Variants in TRIM66 observed in about 807,000 individuals in gnomAD.
TRIM66 encodes tripartite motif-containing protein 66.
In TRIM66, 99 loss-of-function variants were observed where a neutral mutation model predicts 148.2. That is an observed-to-expected ratio of 0.67 (90% confidence interval 0.57 to 0.79). TRIM66 has a LOEUF of 0.79. Among genes scored for constraint, TRIM66 ranks in the 30% least tolerant of loss-of-function variants. TRIM66 has a pLI of 0.00. For missense variants in TRIM66, 1,666 were observed against 1,697.9 expected, an observed-to-expected ratio of 0.98 and a Z score of 0.33; for synonymous variants, 616 against 635.9, an observed-to-expected ratio of 0.97 and a Z score of 0.47.
At chr11:8,682,712 G>A, upstream of TRIM66, 1 of 1,449,028 alleles carries the variant, frequency 6.9e-7, no homozygotes, top group South Asian at 1.1e-5. Flanking sequence ...CCCGCCCGAA[G>A]CCCGGCCTCT....
rs1037073048 is a variant in TRIM66, at chr11:8,624,253, G to C, written c.3019+106C>G. 3.9e-6 allele frequency: 5 copies of C among 1,286,146 alleles called. No individual in the cohort carries two copies. In the South Asian group the frequency reaches 4.3e-5, roughly 11 times the overall value. The allele number at this position is 1,286,146 out of a possible 1,614,324, so 79.7% of individuals were successfully genotyped here. A position where few individuals can be genotyped will look rare whatever the true frequency, so the allele number is the denominator to read the frequency against. On this transcript the variant is annotated intron_variant, in intron 17 of 24. Transcript: ENST00000646038. ...AAATTCAGCCTCAGAGAGATGCACT[G>C]CTTCCCCAGCTTAGAGCTTGTCTGC...
At position 8,649,833 on chromosome 11, in the gene TRIM66, T is replaced by G; in HGVS notation, c.499A>C (p.Asn167His). The change falls in exon 8 of 25, where the codon AAT becomes CAT. Residue 167 changes from asparagine to histidine, a missense_variant. Coordinates refer to ENST00000646038, the MANE Select transcript of TRIM66 (RefSeq NM_001388022.1). ...GTGCAAGAGCTGCACAGCCAGCGAT[T>G]GCAGTAGGTGCAGAGGATATGTGCT... ...RAAHILCTYC[N>H]RWLCSSCTEE... 1 of 1,551,664 alleles carries G rather than the reference T, an allele frequency of 6.4e-7. No homozygotes were observed. Among genetic ancestry groups the G allele is most frequent in the Non-Finnish European group, 8.7e-7 (1 of 1,146,988 alleles).
intron 15 of TRIM66, among the ~76,000 whole-genome samples, chr11:8,625,510 AAGG>A (rs1220035014): frequency 8.0e-6 from 1 of 125,608 alleles, no homozygotes; most frequent in Non-Finnish European, 1.8e-5. Flanking sequence ...CAAGAGTGAG[AAGG>A]AGAACTTATT....
Position 8,646,536 on chromosome 11 carries a change from T to C in TRIM66, c.868A>G (p.Arg290Gly), listed in dbSNP as rs1219312320. The change falls in exon 11 of 25, where the codon AGG becomes GGG. Residue 290 changes from arginine to glycine, a missense_variant. Physicochemically the swap from Arg to Gly is moderately radical, Grantham distance 125 (BLOSUM62 -2). This residue lies in a region of TRIM66 where 1,431 missense variants were observed against 1,412.4 expected (regional missense o/e 1.01). Transcript: ENST00000646038. ...ATTTTGATCTGGTTTTCCACCTTCC[T>C]ATGCTGATGCTTCACTTCAAAAATC... Reference protein sequence around the residue: ...DRIFEVKHQHRKVENQIKMAK... With the variant: ...DRIFEVKHQHGKVENQIKMAK... The C allele has an allele frequency of 6.4e-7, 1 of 1,551,818 alleles. No homozygotes were observed. Among genetic ancestry groups the C allele is most frequent in the Non-Finnish European group, 8.7e-7 (1 of 1,147,036 alleles).
Position 8,672,052 on chromosome 11 carries a change from A to C in TRIM66, c.74T>G (p.Ile25Ser), listed in dbSNP as rs2038963769. ...RSTRCFSPED[I>S]SGKAPVLGTG... ...GCCCAGGACTGGGGCTTTTCCACTGATATCCTCAGGTGAGAAGCAGCGTGT... is the reference window on the plus strand; with the variant it reads ...GCCCAGGACTGGGGCTTTTCCACTGCTATCCTCAGGTGAGAAGCAGCGTGT... The change falls in exon 6 of 25, where the codon ATC becomes AGC. Residue 25 changes from isoleucine to serine, a missense_variant. Around this residue, in one of 3 missense-constraint regions of TRIM66, gnomAD observed 1,431 missense variants for 1,412.4 expected, o/e 1.01. Coordinates refer to ENST00000646038, the MANE Select transcript of TRIM66 (RefSeq NM_001388022.1). 2 of 1,535,738 alleles carry C rather than the reference A, an allele frequency of 1.3e-6. No individual in the cohort carries two copies. Among genetic ancestry groups the C allele is most frequent in the Non-Finnish European group, 1.7e-6 (2 of 1,146,866 alleles).
Position 8,619,463 on chromosome 11 carries a change from C to T in TRIM66, c.3820G>A (p.Asp1274Asn). 1 of 1,551,336 alleles carries T rather than the reference C, an allele frequency of 6.4e-7. No homozygotes were observed. Among genetic ancestry groups the T allele is most frequent in the Non-Finnish European group, 8.7e-7 (1 of 1,146,798 alleles). Residue 1274 changes from aspartate to asparagine, a missense_variant, in exon 23 of 25, where the codon GAC (aspartate) becomes AAC (asparagine). Coordinates refer to ENST00000646038, the MANE Select transcript of TRIM66 (RefSeq NM_001388022.1). ...SIIRRKLQKK[D>N]PAHYTTPEEV... is the part of the protein sequence containing the mutation. ...TCTGGGGTGGTATAGTGAGCTGGGT[C>T]CTTCTTTTGCAGCTTCCTCCGGATG... is the stretch of plus-strand genomic sequence containing the variant.
upstream of TRIM66, chr11:8,682,877 C>T (rs993695407): frequency 2.4e-5 from 38 of 1,562,110 alleles, 1 homozygote; most frequent in Non-Finnish European, 3.0e-5. Flanking sequence ...GCTGTATTCC[C>T]ATTGCCCCTA....
chr11:8,643,085 G>A lies in TRIM66; in HGVS notation c.1146C>T (p.Asn382=). The change falls in exon 13 of 25, where the codon AAC becomes AAT. Residue 382 remains asparagine, a synonymous_variant. Transcript: ENST00000646038. ...TACTCCAAGGGGAGCCAGGATCTGT[G>A]TTACAACTTGTCTCCAGCAATCGCT... is the stretch of plus-strand genomic sequence containing the variant. ...QMQRLLETSC[N]TDPGSPWSIR... 4 of 1,551,270 alleles carry A rather than the reference G, an allele frequency of 2.6e-6. No individual in the cohort carries two copies. Among genetic ancestry groups the A allele is most frequent in the Non-Finnish European group, 3.5e-6 (4 of 1,146,820 alleles).
At chr11:8,624,254 C>G in intron 17 of TRIM66, 105 bp downstream of exon 17, 2 of 1,295,188 alleles carry the variant, frequency 1.5e-6, no homozygotes, top group Non-Finnish European at 2.1e-6. Flanking sequence ...AGATGCACTG[C>G]TTCCCCAGCT....
Position 8,640,235 on chromosome 11 carries a change from T to G in TRIM66, c.2140A>C (p.Thr714Pro). The G allele has an allele frequency of 6.4e-7, 1 of 1,551,004 alleles. No individual in the cohort carries two copies. Among genetic ancestry groups the G allele is most frequent in the South Asian group, 1.2e-5 (1 of 84,028 alleles). ...GCCACCCTGACGCTTACCTGCAGGG[T>G]CTCCTCCTGGCTCTGGGACTGGACA... ...APVQSQSQEE[T>P]LQATDEPPAS... is the part of the protein sequence containing the mutation. The change falls in exon 14 of 25, where the codon ACC (threonine) becomes CCC (proline). Residue 714 changes from threonine (T) to proline (P), a missense_variant. Coordinates refer to ENST00000646038, the MANE Select transcript of TRIM66 (RefSeq NM_001388022.1).
At position 8,619,466 on chromosome 11, in the gene TRIM66, T is replaced by C; in HGVS notation, c.3817A>G (p.Lys1273Glu). The change falls in exon 23 of 25, where the codon AAG becomes GAG. Residue 1273 changes from lysine (K) to glutamate (E), a missense_variant. By Grantham distance (56) the Lys-to-Glu change is moderately conservative. Coordinates refer to ENST00000646038, the MANE Select transcript of TRIM66 (RefSeq NM_001388022.1). ...GGGGTGGTATAGTGAGCTGGGTCCT[T>C]CTTTTGCAGCTTCCTCCGGATGATT... ...LSIIRRKLQK[K>E]DPAHYTTPEE... The C allele has an allele frequency of 6.4e-7, 1 of 1,551,388 alleles. No individual in the cohort carries two copies.
chr11:8,640,518 G>A lies in TRIM66; in HGVS notation c.1857C>T (p.Pro619=), dbSNP rs1357456345. 1.9e-6 allele frequency: 3 copies of A among 1,542,116 alleles called. No homozygotes were observed. Among genetic ancestry groups the A allele is most frequent in the Non-Finnish European group, 2.6e-6 (3 of 1,143,462 alleles). The change falls in exon 14 of 25, where the codon CCC becomes CCT. Residue 619 remains proline (P), a synonymous_variant. Coordinates refer to ENST00000646038, the MANE Select transcript of TRIM66 (RefSeq NM_001388022.1). Reference sequence around the variant, plus strand: ...GAAGAGGTGGGTGTGGCTGCTGTGGGGGAGGGGGAAGGGGAGGTGGGGGAT... The same window carrying A: ...GAAGAGGTGGGTGTGGCTGCTGTGGAGGAGGGGGAAGGGGAGGTGGGGGAT... ...LPHPPPPLPP[P]PQQPHPPLPP...
upstream of TRIM66, chr11:8,682,686 C>T (rs2039502009): frequency 1.8e-6 from 2 of 1,113,868 alleles, no homozygotes. Context: ...CGCGCAATCC[C>T]GCGAGACCAG....
At chr11:8,634,384 G>A (rs966260996) in intron 15 of TRIM66, among the ~76,000 whole-genome samples, 3 of 152,182 alleles carry the variant, frequency 2.0e-5, no homozygotes, top group African/African-American at 4.8e-5. Flanking sequence ...GCCCAGGCTG[G>A]TCTCGAGCTG....
In TRIM66 at chr11:8,612,139, C is replaced by T. The variant is rs2033433862; in HGVS notation, c.*5805G>A. 1 of 152,200 alleles carries T rather than the reference C, an allele frequency of 6.6e-6. No homozygotes were observed. The allele number at this position is 152,200 out of a possible 1,614,324, so 9.4% of individuals were successfully genotyped here. On this transcript the variant is annotated 3_prime_UTR_variant, in exon 25 of 25. Transcript: ENST00000646038. ...TAAAATATCCTCCCTCATGCCCCAA[C>T]CGCTTAGAATCCAATAGCCACTCCT...
chr11:8,668,896 A>G (rs1441072930), intron 6 of TRIM66, among the ~76,000 whole-genome samples: 2 of 152,142 alleles, frequency 1.3e-5, no homozygotes, highest in African/African-American at 4.8e-5. Context: ...CCAAGATGGC[A>G]TATTCCAAGC....
intron 6 of TRIM66, among the ~76,000 whole-genome samples, chr11:8,667,715 T>C (rs1223144473): frequency 1.3e-5 from 2 of 152,238 alleles, no homozygotes; most frequent in Non-Finnish European, 2.9e-5. Flanking sequence ...TCCTAAAGCT[T>C]CATCCATGTT....
chr11:8,635,572 T>TC (rs1256638140), intron 15 of TRIM66, among the ~76,000 whole-genome samples: 2 of 152,122 alleles, frequency 1.3e-5, no homozygotes, highest in Non-Finnish European at 2.9e-5. Flanking sequence ...CAAAGCTTCC[T>TC]CTAAGCCAGG....
chr11:8,657,679 C>A (rs968816348), intron 6 of TRIM66, among the ~76,000 whole-genome samples: 10 of 152,252 alleles, frequency 6.6e-5, no homozygotes, highest in African/African-American at 2.4e-4. Flanking sequence ...GCCCTCCCAC[C>A]CCCGGGCAGC....
Sources: gnomAD v4.1 joint callset for allele counts (sites outside exome capture counted in the v4.1 genomes callset) on GRCh38, gnomAD v4.1.1 for gene constraint, gnomAD v4.1.1 regional missense constraint, MANE v1.5 for transcripts, NCBI Gene and HGNC (gene_info 2026-07-23, HGNC 2026-07-21) for gene names.